CNTNAP1: variants seen among roughly 807,000 people sequenced by gnomAD.
CNTNAP1 encodes contactin-associated protein 1.
Under a neutral mutation model 161.5 loss-of-function variants are expected in CNTNAP1, and 80 were observed. The ratio of observed to expected loss-of-function variants is 0.50; its 90% CI spans 0.41 to 0.60. The LOEUF is 0.60. Among genes scored for constraint, CNTNAP1 ranks in the 20% least tolerant of loss-of-function variants. CNTNAP1 has a pLI of 0.00. For missense variants in CNTNAP1, 1,464 were observed against 1,854.8 expected (o/e 0.79, Z 3.87); for synonymous variants, 695 against 733.1 (o/e 0.95, Z 0.84).
Position 42,695,482 on chromosome 17 carries a change from G to A in CNTNAP1, c.2993-39G>A, listed in dbSNP as rs1246299845. 2.0e-6 allele frequency: 3 copies of A among 1,489,158 alleles called. No homozygotes were observed. In the South Asian group the frequency reaches 3.6e-5, roughly 18 times the overall value. 92.2% of individuals were successfully genotyped at this position (1,489,158 alleles called of 1,614,324 possible). A position where few individuals can be genotyped will look rare whatever the true frequency, so the allele number is the denominator to read the frequency against. On this transcript the variant is annotated intron_variant, in intron 18 of 23. Coordinates refer to ENST00000264638, the MANE Select transcript of CNTNAP1 (RefSeq NM_003632.3). Reference sequence around the variant, plus strand: ...ATAAAACCTCTGAATTGGGGAGTGAGCAGTGTGGGGGCCCTAACCTCCCTG... The same window carrying A: ...ATAAAACCTCTGAATTGGGGAGTGAACAGTGTGGGGGCCCTAACCTCCCTG...
chr17:42,687,017 G>T lies in CNTNAP1; in HGVS notation c.1015G>T (p.Val339Leu). 6.2e-7 allele frequency: 1 copy of T among 1,613,614 alleles called. No homozygotes were observed. Among genetic ancestry groups the T allele is most frequent in the Non-Finnish European group, 8.5e-7 (1 of 1,179,632 alleles). Residue 339 changes from valine (V) to leucine (L), a missense_variant, in exon 7 of 24, where the codon GTG becomes TTG. This residue lies in a region of CNTNAP1 where 1,383 missense variants were observed against 1,765.0 expected (regional missense o/e 0.78). Coordinates refer to ENST00000264638, the MANE Select transcript of CNTNAP1 (RefSeq NM_003632.3). This position sits in a 1 kb window ranked among gnomAD's most constrained non-coding sequence, Gnocchi z 4.7. Reference protein sequence around the residue: ...FNRVNIADLAVRRHSRITFEG... With the variant: ...FNRVNIADLALRRHSRITFEG... ...CCGCGTCAACATCGCAGACCTGGCC[G>T]TGCGGCGCCATTCCCGGATCACCTT...
chr17:42,695,658 G>T lies in CNTNAP1; in HGVS notation c.3130G>T (p.Asp1044Tyr). The T allele has an allele frequency of 6.2e-7, 1 of 1,614,196 alleles. No individual in the cohort carries two copies. Among genetic ancestry groups the T allele is most frequent in the South Asian group, 1.1e-5 (1 of 91,086 alleles). The part of the protein sequence containing the change: ...GYEPGYIPGY[D>Y]TPGYVPGYHG... ...TGAGCCTGGCTACATCCCGGGCTAT[G>T]ATACTCCGGGCTATGTGCCTGGCTA... The change falls in exon 19 of 24, where the codon GAT becomes TAT. Residue 1044 changes from aspartate to tyrosine, a missense_variant. Asp to Tyr is a radical substitution (Grantham distance 160). Coordinates refer to ENST00000264638, the MANE Select transcript of CNTNAP1 (RefSeq NM_003632.3).
At chr17:42,689,691 T>A in intron 11 of CNTNAP1, 64 bp downstream of exon 11, 1 of 1,346,832 alleles carries the variant, frequency 7.4e-7, no homozygotes, top group Non-Finnish European at 1.1e-6. Context: ...TTGCTGGGGA[T>A]CATCAGGCTG....
At position 42,685,275 on chromosome 17, in the gene CNTNAP1, G is replaced by A. The variant is rs755910689; in HGVS notation, c.570G>A (p.Gly190=). The A allele has an allele frequency of 6.8e-6, 11 of 1,613,740 alleles. No individual in the cohort carries two copies. In the Admixed American group the frequency reaches 1.7e-4, roughly 24 times the overall value. ...CCATCTCCTACCGCTTCCCGCGAGG[G>A]GTCAGCCGAAGCCTGTGGGACGTGT... is the stretch of plus-strand genomic sequence containing the variant. ...DDAISYRFPR[G]VSRSLWDVFA... Residue 190 remains glycine, a synonymous_variant, in exon 5 of 24, where the codon GGG becomes GGA. Coordinates refer to ENST00000264638, the MANE Select transcript of CNTNAP1 (RefSeq NM_003632.3). This position sits in a 1 kb window ranked among gnomAD's most constrained non-coding sequence, Gnocchi z 5.0.
chr17:42,693,019 C>T (rs566615837), intron 17 of CNTNAP1, among the ~76,000 whole-genome samples: 11 of 150,602 alleles, frequency 7.3e-5, no homozygotes, highest in Non-Finnish European at 1.6e-4. Flanking sequence ...TGCAGTGGCA[C>T]GATCTCGGCC....
rs1285153375 is a variant in CNTNAP1 at position 42,685,069 on chromosome 17, A to T, written c.442A>T (p.Ile148Phe). Residue 148 changes from isoleucine (I) to phenylalanine (F), a missense_variant, in exon 4 of 24, where the codon ATC becomes TTC. By Grantham distance (21) the Ile-to-Phe change is conservative. Transcript: ENST00000264638. This position sits in a 1 kb window ranked among gnomAD's most constrained non-coding sequence, Gnocchi z 5.0. Reference protein sequence around the residue: ...HFHFTARYIRIVPLAWNPRGK... With the variant: ...HFHFTARYIRFVPLAWNPRGK... The stretch of plus-strand genomic sequence containing the variant: ...CCACTTCACTGCGCGCTACATCCGC[A>T]TCGTGCCCCTGGCCTGGAACCCACG... The T allele has an allele frequency of 3.8e-6, 6 of 1,581,174 alleles. 1 individual carries two copies. In the South Asian group the frequency reaches 7.0e-5, roughly 19 times the overall value.
chr17:42,690,691 A>T, intron 12 of CNTNAP1, 48 bp from the exon 13 acceptor site: 2 of 1,578,668 alleles, frequency 1.3e-6, no homozygotes, highest in Non-Finnish European at 1.7e-6. Flanking sequence ...GGAGATGGGT[A>T]GAGAATGCCC....
At chr17:42,683,593 T>C in intron 1 of CNTNAP1, 2 of 1,404,784 alleles carry the variant, frequency 1.4e-6, no homozygotes, top group Non-Finnish European at 1.8e-6. Flanking sequence ...GCCTTGGGCC[T>C]ATAGGTGTAG....
In CNTNAP1 at chr17:42,686,483, T is replaced by TTTTG. The variant is rs1567970560; in HGVS notation, c.900+345_900+346insGTTT. 5.7e-4 allele frequency among the ~76,000 whole-genome samples: 74 copies of TTTTG among 129,646 alleles called. 1 individual carries two copies. Among genetic ancestry groups the TTTTG allele is most frequent in the Middle Eastern group, 3.5e-3 (1 of 284 alleles). The allele number at this position is 129,646 out of a possible 152,430, so 85.1% of individuals were successfully genotyped here. On this transcript the variant is annotated intron_variant, in intron 6 of 23. Transcript: ENST00000264638. ...GAAAAAGGCCTGTTTTTTTTTTTTT[T>TTTTG]TTTTTTTTTTGTGGGTGTTGTTGCT... is the stretch of plus-strand genomic sequence containing the variant.
Position 42,690,112 on chromosome 17 carries a change from C to T in CNTNAP1, c.1760C>T (p.Ala587Val), listed in dbSNP as rs1341773315. 6.2e-7 allele frequency: 1 copy of T among 1,613,862 alleles called. No homozygotes were observed. Among genetic ancestry groups the T allele is most frequent in the African/African-American group, 1.3e-5 (1 of 74,908 alleles). ...GCTTTGTATAAGGAATCCTGTGAGGCTTATCGGCTCAGTGGGAAAACTTCT... is the reference window on the plus strand; with the variant it reads ...GCTTTGTATAAGGAATCCTGTGAGGTTTATCGGCTCAGTGGGAAAACTTCT... ...HTPLYKESCE[A>V]YRLSGKTSGN... Residue 587 changes from alanine (A) to valine (V), a missense_variant, in exon 12 of 24, where the codon GCT (alanine) becomes GTT (valine). Physicochemically the swap from Ala to Val is moderately conservative, Grantham distance 64. Transcript: ENST00000264638.
At position 42,698,798 on chromosome 17, in the gene CNTNAP1, C is replaced by T; in HGVS notation, c.4043C>T (p.Ala1348Val). Reference sequence around the variant, plus strand: ...GCCCAGGTCCCCACCCCTACAGCAGCTCCCAACCAAGCTCCAGCCTCAGCC... The same window carrying T: ...GCCCAGGTCCCCACCCCTACAGCAGTTCCCAACCAAGCTCCAGCCTCAGCC... ...GPAQVPTPTA[A>V]PNQAPASAPA... Residue 1348 changes from alanine to valine, a missense_variant, in exon 24 of 24, where the codon GCT (alanine) becomes GTT (valine). Coordinates refer to ENST00000264638, the MANE Select transcript of CNTNAP1 (RefSeq NM_003632.3). 6.2e-7 allele frequency: 1 copy of T among 1,610,188 alleles called. No individual in the cohort carries two copies. Among genetic ancestry groups the T allele is most frequent in the Non-Finnish European group, 8.5e-7 (1 of 1,179,788 alleles).
intron 10 of CNTNAP1, 84 bp downstream of exon 10, chr17:42,689,131 C>A: frequency 7.5e-7 from 1 of 1,341,424 alleles, no homozygotes; most frequent in South Asian, 1.4e-5. Context: ...TTTCAATAAT[C>A]TCCCTTCTCC....
Position 42,698,823 on chromosome 17 carries a change from CCCAGCCCCAGCCCCAACT to C in CNTNAP1, c.4083_4100del (p.Thr1362_Pro1367del), listed in dbSNP as rs765716130. On this transcript the variant is annotated inframe_deletion, in exon 24 of 24. Transcript: ENST00000264638. ...CTCCCAACCAAGCTCCAGCCTCAGC[CCCAGCCCCAGCCCCAACT>C]CCAGCCCCAGCCCCTGGCCCCCGGG... 7.5e-5 allele frequency: 121 copies of C among 1,603,106 alleles called. No individual in the cohort carries two copies. Among genetic ancestry groups the C allele is most frequent in the Middle Eastern group, 1.7e-4 (1 of 5,910 alleles).
chr17:42,694,692 A>C (rs2053131897), intron 18 of CNTNAP1, among the ~76,000 whole-genome samples: 1 of 152,016 alleles, frequency 6.6e-6, no homozygotes, highest in African/African-American at 2.4e-5. Flanking sequence ...AACACAGGCG[A>C]ACTCCCTTGT....
At position 42,697,281 on chromosome 17, in the gene CNTNAP1, A is replaced by C; in HGVS notation, c.3482A>C (p.Tyr1161Ser). 6.2e-7 allele frequency: 1 copy of C among 1,611,032 alleles called. No homozygotes were observed. Among genetic ancestry groups the C allele is most frequent in the Non-Finnish European group, 8.5e-7 (1 of 1,178,754 alleles). The part of the protein sequence containing the change: ...VYRNLFIQVD[Y>S]FPLTEQKFSL... ...TCCCCCTCCCCACCTCAGGTGGACT[A>C]CTTCCCACTGACAGAGCAGAAGTTC... The change falls in exon 21 of 24, where the codon TAC (tyrosine) becomes TCC (serine). Residue 1161 changes from tyrosine (Y) to serine (S), a missense_variant. Tyr to Ser is a moderately radical substitution (Grantham distance 144, BLOSUM62 -2). This residue lies in a region of CNTNAP1 where 1,383 missense variants were observed against 1,765.0 expected (regional missense o/e 0.78). Coordinates refer to ENST00000264638, the MANE Select transcript of CNTNAP1 (RefSeq NM_003632.3).
chr17:42,687,891 G>A lies in CNTNAP1; in HGVS notation c.1216G>A (p.Gly406Arg), dbSNP rs1295028420. The A allele has an allele frequency of 1.2e-6, 2 of 1,614,176 alleles. No homozygotes were observed. The highest frequency in any genetic ancestry group is 8.5e-7 in the Non-Finnish European group (1 of 1,180,036). The change falls in exon 8 of 24, where the codon GGG becomes AGG. Residue 406 changes from glycine to arginine, a missense_variant. Gly to Arg is a moderately radical substitution (Grantham distance 125). Around this residue, in one of 3 missense-constraint regions of CNTNAP1, gnomAD observed 1,383 missense variants for 1,765.0 expected, o/e 0.78. Coordinates refer to ENST00000264638, the MANE Select transcript of CNTNAP1 (RefSeq NM_003632.3). This position sits in a 1 kb window ranked among gnomAD's most constrained non-coding sequence, Gnocchi z 4.7. ...TCTCCTTTTCTCCCGTCTGGGGGACGGGCTGGGCCACGTGGAGCTGACGCT... is the reference window on the plus strand; with the variant it reads ...TCTCCTTTTCTCCCGTCTGGGGGACAGGCTGGGCCACGTGGAGCTGACGCT... ...GLLLFSRLGD[G>R]LGHVELTLSE...
In CNTNAP1 at chr17:42,697,900, C is replaced by T; in HGVS notation, c.3815-3C>T. 6.2e-7 allele frequency: 1 copy of T among 1,614,128 alleles called. No homozygotes were observed. Among genetic ancestry groups the T allele is most frequent in the Non-Finnish European group, 8.5e-7 (1 of 1,180,018 alleles). ...CTCCTAACTGGTGCTTTCTCCTCTC[C>T]AGACTTCCCCTACTACCATGATGAA... On this transcript the variant is annotated splice_region_variant and splice_polypyrimidine_tract_variant and intron_variant, in intron 22 of 23. Transcript: ENST00000264638.
chr17:42,683,810 C>T lies in CNTNAP1; in HGVS notation c.68-11C>T. 6.2e-7 allele frequency: 1 copy of T among 1,609,524 alleles called. No homozygotes were observed. Among genetic ancestry groups the T allele is most frequent in the Non-Finnish European group, 8.5e-7 (1 of 1,179,542 alleles). On this transcript the variant is annotated splice_polypyrimidine_tract_variant and intron_variant, in intron 1 of 23. Transcript: ENST00000264638. ...GCCAGCGCTGACTAACAGTCGGTTTCCCTACCCTAGACGGCTGCGACGAGG... is the reference window on the plus strand; with the variant it reads ...GCCAGCGCTGACTAACAGTCGGTTTTCCTACCCTAGACGGCTGCGACGAGG...
At chr17:42,693,831 G>A (rs1240614423) in intron 18 of CNTNAP1, among the ~76,000 whole-genome samples, 1 of 152,056 alleles carries the variant, frequency 6.6e-6, no homozygotes, top group African/African-American at 2.4e-5. Context: ...AGACCAGCCT[G>A]GGCAACATGG....
Sources: gnomAD v4.1 joint callset for allele counts (sites outside exome capture counted in the v4.1 genomes callset) on GRCh38, gnomAD v4.1.1 for gene constraint, gnomAD v4.1.1 regional missense constraint, Gnocchi (gnomAD v3.1) non-coding constraint, MANE v1.5 for transcripts, NCBI Gene and HGNC (gene_info 2026-07-23, HGNC 2026-07-21) for gene names.